LATS1: variants seen among roughly 807,000 people sequenced by gnomAD.
LATS1 encodes the protein large tumor suppressor kinase 1.
LATS1 carries 25 observed loss-of-function variants against 106.6 expected under a neutral mutation model. That is an observed-to-expected ratio of 0.23 (90% CI 0.17 to 0.33). The LOEUF (loss-of-function observed/expected upper bound fraction) is 0.33. LATS1 is among the 10% of genes least tolerant of loss of function. The pLI, the probability that LATS1 is intolerant of heterozygous loss-of-function variation, is 1.00. For missense variants in LATS1, 1,040 were observed against 1,382.6 expected, an observed-to-expected ratio of 0.75 and a Z score of 3.93; for synonymous variants, 465 against 455.6, an observed-to-expected ratio of 1.02 and a Z score of -0.26.
chr6:149,703,195 G>A (rs1258419332), intron 1 of LATS1, among the ~76,000 whole-genome samples: 12 of 151,958 alleles, frequency 7.9e-5, no homozygotes, highest in African/African-American at 2.2e-4. Context: ...GGCTGGTCTC[G>A]AACTCCTGGC....
rs189683582 is a variant in LATS1 at position 149,659,191 on chromosome 6, G to C, written c.*2538C>G. 1.1e-5 allele frequency: 2 copies of C among 176,822 alleles called. No homozygotes were observed. The allele number at this position is 176,822 out of a possible 1,614,324, so 11.0% of individuals were successfully genotyped here. A position where few individuals can be genotyped will look rare whatever the true frequency, so the allele number is the denominator to read the frequency against. The stretch of plus-strand genomic sequence containing the variant: ...TTTAAAAGAATACATATTTGCGCCA[G>C]GCGCGGTGGGTCACGTCTGTAATCC... On this transcript the variant is annotated 3_prime_UTR_variant, in exon 8 of 8. Coordinates refer to ENST00000543571, the MANE Select transcript of LATS1 (RefSeq NM_004690.4).
chr6:149,679,724 C>T (rs1333794034), intron 5 of LATS1, 151 bp downstream of exon 5: 5 of 580,602 alleles, frequency 8.6e-6, no homozygotes, highest in Non-Finnish European at 1.5e-5. Flanking sequence ...GTCTAAGTGC[C>T]TAATGGAGTC....
At chr6:149,715,257 T>TG (rs1224579884) in intron 1 of LATS1, among the ~76,000 whole-genome samples, 2 of 151,948 alleles carry the variant, frequency 1.3e-5, no homozygotes, top group Non-Finnish European at 2.9e-5. Context: ...TTAGTAGAGA[T>TG]GGGGTTTCAC....
chr6:149,682,090 G>A (rs1782064496), intron 4 of LATS1, among the ~76,000 whole-genome samples: 2 of 148,758 alleles, frequency 1.3e-5, no homozygotes, highest in African/African-American at 2.5e-5. Context: ...CCAGCCTGGC[G>A]ACAGAGTGAG....
intron 7 of LATS1, among the ~76,000 whole-genome samples, chr6:149,662,615 A>G (rs1213727443): frequency 3.3e-5 from 5 of 152,070 alleles, no homozygotes; most frequent in African/African-American, 1.2e-4. Flanking sequence ...TGGTCTTTGT[A>G]TCTCCTAGTG....
intron 4 of LATS1, among the ~76,000 whole-genome samples, chr6:149,681,794 CA>C (rs1782044521): frequency 6.6e-6 from 1 of 152,040 alleles, no homozygotes; most frequent in Admixed American, 6.6e-5. Context: ...GATTAGGAGT[CA>C]AATCTTTGAA....
intron 1 of LATS1, among the ~76,000 whole-genome samples, chr6:149,712,428 C>T (rs975122823): frequency 6.6e-6 from 1 of 152,152 alleles, no homozygotes; most frequent in Admixed American, 6.5e-5. Flanking sequence ...GAACTCCCGA[C>T]CTCAGGTGAC....
intron 3 of LATS1, among the ~76,000 whole-genome samples, chr6:149,685,818 A>C (rs1292222415): frequency 6.6e-6 from 1 of 152,180 alleles, no homozygotes; most frequent in Non-Finnish European, 1.5e-5. Context: ...AAAAAAATAC[A>C]ATACCAAAAA....
intron 7 of LATS1, among the ~76,000 whole-genome samples, chr6:149,663,712 GA>G (rs905628450): frequency 4.7e-4 from 69 of 146,170 alleles, no homozygotes; most frequent in African/African-American, 1.3e-3. Flanking sequence ...ACCCTTTTTG[GA>G]AAAAAAAAAT....
chr6:149,677,938 T>C (rs2114775335), intron 5 of LATS1, among the ~76,000 whole-genome samples: 1 of 151,252 alleles, frequency 6.6e-6, no homozygotes, highest in East Asian at 1.9e-4. Context: ...GAGAATCGCT[T>C]GAGCCCAGGA....
chr6:149,712,010 A>G (rs1312679373), intron 1 of LATS1, among the ~76,000 whole-genome samples: 1 of 152,132 alleles, frequency 6.6e-6, no homozygotes, highest in African/African-American at 2.4e-5. Context: ...AGCACACAGG[A>G]CACATTACTT....
intron 7 of LATS1, among the ~76,000 whole-genome samples, chr6:149,672,716 T>C (rs546521312): frequency 2.6e-5 from 4 of 151,898 alleles, no homozygotes; most frequent in African/African-American, 7.3e-5. Context: ...GAGGCCGAGG[T>C]GGGTGGACCA....
chr6:149,661,673 A>T lies in LATS1; in HGVS notation c.*56T>A. Reference sequence around the variant, plus strand: ...ATAATTTTACTCTCAGAACCTCAAAACACCTCGCATTTCAGGCCCTTTTAC... The same window carrying T: ...ATAATTTTACTCTCAGAACCTCAAATCACCTCGCATTTCAGGCCCTTTTAC... On this transcript the variant is annotated 3_prime_UTR_variant, in exon 8 of 8. Transcript: ENST00000543571. 6.9e-7 allele frequency: 1 copy of T among 1,457,908 alleles called. No individual in the cohort carries two copies. Among genetic ancestry groups the T allele is most frequent in the South Asian group, 1.4e-5 (1 of 71,284 alleles). 90.3% of individuals were successfully genotyped at this position (1,457,908 alleles called of 1,614,324 possible). A position where few individuals can be genotyped will look rare whatever the true frequency, so the allele number is the denominator to read the frequency against.
chr6:149,665,420 C>T (rs954622691), intron 7 of LATS1, among the ~76,000 whole-genome samples: 8 of 152,124 alleles, frequency 5.3e-5, no homozygotes, highest in African/African-American at 1.7e-4. Flanking sequence ...ATCTCTGTTG[C>T]TCGTTTTCTC....
rs760613063 is a variant in LATS1 at position 149,684,095 on chromosome 6, T to C, written c.994A>G (p.Met332Val). The C allele has an allele frequency of 6.2e-7, 1 of 1,614,072 alleles. No individual in the cohort carries two copies. Among genetic ancestry groups the C allele is most frequent in the South Asian group, 1.1e-5 (1 of 91,080 alleles). Reference protein sequence around the residue: ...SVPVGRQPIIMQSSSKFNFPS... With the variant: ...SVPVGRQPIIVQSSSKFNFPS... ...AAGTTAAATTTGCTAGAACTCTGCA[T>C]GATGATTGGTTGTCTGCCAACAGGA... The change falls in exon 4 of 8, where the codon ATG becomes GTG. Residue 332 changes from methionine to valine, a missense_variant. By Grantham distance (21) the Met-to-Val change is conservative (BLOSUM62 1). Around this residue, in one of 7 missense-constraint regions of LATS1, gnomAD observed 624 missense variants for 714.8 expected, o/e 0.87. Transcript: ENST00000543571.
At chr6:149,670,758 G>A (rs1242326557) in intron 7 of LATS1, among the ~76,000 whole-genome samples, 5 of 151,996 alleles carry the variant, frequency 3.3e-5, no homozygotes, top group African/African-American at 1.2e-4. Context: ...AACATGTCAG[G>A]TCACTGGCTT....
intron 3 of LATS1, among the ~76,000 whole-genome samples, chr6:149,692,837 G>C (rs1445997960): frequency 6.6e-6 from 1 of 151,904 alleles, no homozygotes; most frequent in Non-Finnish European, 1.5e-5. Context: ...ACCACACCCA[G>C]CTAATTTTGT....
intron 7 of LATS1, among the ~76,000 whole-genome samples, chr6:149,671,395 A>G (rs753834346): frequency 1.4e-4 from 22 of 151,916 alleles, no homozygotes; most frequent in Non-Finnish European, 2.1e-4. Flanking sequence ...TGGCCTCCCA[A>G]AGTGCTAGGA....
intron 1 of LATS1, among the ~76,000 whole-genome samples, chr6:149,711,165 G>A (rs1170283771): frequency 1.3e-5 from 2 of 151,960 alleles, no homozygotes; most frequent in Admixed American, 1.3e-4. Context: ...CTTCGACTGT[G>A]GTTACTGACA....
Sources: allele counts gnomAD v4.1 joint callset (sites outside exome capture counted in the v4.1 genomes callset), GRCh38; gene constraint gnomAD v4.1.1; regional missense constraint gnomAD v4.1.1; transcripts MANE v1.5; gene names NCBI Gene and HGNC (gene_info 2026-07-23, HGNC 2026-07-21).